Variants in ENTPD1 observed in about 807,000 individuals in gnomAD.
The protein encoded by ENTPD1 is ectonucleoside triphosphate diphosphohydrolase 1, also known as ATP diphosphohydrolase.
Under a neutral mutation model 57.0 loss-of-function variants are expected in ENTPD1, and 33 were observed. That is an observed-to-expected ratio of 0.58 (90% CI 0.44 to 0.77). The LOEUF (loss-of-function observed/expected upper bound fraction) is 0.77. ENTPD1 is among the 30% of genes least tolerant of loss of function. ENTPD1 has a pLI of 0.00. For missense variants in ENTPD1, 501 were observed against 603.4 expected (o/e 0.83, Z 1.78); for synonymous variants, 202 against 218.8 (o/e 0.92, Z 0.68).
At chr10:95,821,263 T>C (rs1390690964) in intron 1 of ENTPD1, among the ~76,000 whole-genome samples, 1 of 152,170 alleles carries the variant, frequency 6.6e-6, no homozygotes, top group Non-Finnish European at 1.5e-5. Flanking sequence ...AAATCCTGAC[T>C]CTAATTGGGT....
chr10:95,846,631 C>T (rs1270877097), intron 6 of ENTPD1, among the ~76,000 whole-genome samples: 1 of 152,158 alleles, frequency 6.6e-6, no homozygotes, highest in African/African-American at 2.4e-5. Context: ...AGCCTCAAAG[C>T]TCCACTAACC....
At chr10:95,823,526 G>A (rs991488044) in intron 2 of ENTPD1, among the ~76,000 whole-genome samples, 162 bp downstream of exon 2, 1 of 152,190 alleles carries the variant, frequency 6.6e-6, no homozygotes. Context: ...AATGGAAATA[G>A]GTGCTCATTC....
At chr10:95,841,475 A>G (rs1173122148) in intron 3 of ENTPD1, among the ~76,000 whole-genome samples, 4 of 152,182 alleles carry the variant, frequency 2.6e-5, no homozygotes, top group Admixed American at 1.3e-4. Context: ...CTCTCAAAAG[A>G]GAGAGTTCTC....
In ENTPD1 at chr10:95,876,602, G is replaced by A; in HGVS notation, c.*10219G>A. ...GGAGAATACAGGATGAATCCACTCT[G>A]TCTCCTGCAGTGAAGTCTGTTTGAA... is the stretch of plus-strand genomic sequence containing the variant. On this transcript the variant is annotated 3_prime_UTR_variant, in exon 10 of 10. Transcript: ENST00000371205. The A allele has an allele frequency of 1.6e-6, 2 of 1,230,156 alleles. No individual in the cohort carries two copies. The highest frequency in any genetic ancestry group is 1.6e-5 in the African/African-American group (1 of 64,500). 76.2% of individuals were successfully genotyped at this position (1,230,156 alleles called of 1,614,324 possible). A position where few individuals can be genotyped will look rare whatever the true frequency, so the allele number is the denominator to read the frequency against.
At chr10:95,706,155 ATAT>A in the ENTPD1 span, among the ~76,000 whole-genome samples, 1 of 152,182 alleles carries the variant, frequency 6.6e-6, no homozygotes, top group Non-Finnish European at 1.5e-5. Context: ...ACAAAAGAAC[ATAT>A]TATATTAATT....
chr10:95,828,813 C>A (rs1336891996), intron 2 of ENTPD1, among the ~76,000 whole-genome samples: 1 of 151,060 alleles, frequency 6.6e-6, no homozygotes, highest in Non-Finnish European at 1.5e-5. Context: ...CAGGTTCAAG[C>A]AATTCTCCTG....
intron 9 of ENTPD1, 139 bp from the exon 10 acceptor site, chr10:95,866,038 T>G (rs1376679274): frequency 1.6e-6 from 2 of 1,234,114 alleles, no homozygotes; most frequent in Admixed American, 4.0e-5. Context: ...GTGCTGAGAT[T>G]ACAGGCATGA....
chr10:95,706,705 T>C, the ENTPD1 span, among the ~76,000 whole-genome samples: 1 of 152,148 alleles, frequency 6.6e-6, no homozygotes, highest in Non-Finnish European at 1.5e-5. Flanking sequence ...CTGTGGCTCA[T>C]AGGGTAGTAA....
intron 1 of ENTPD1, among the ~76,000 whole-genome samples, chr10:95,760,967 C>T (rs2098058461): frequency 7.3e-5 from 11 of 151,580 alleles, no homozygotes; most frequent in Admixed American, 7.2e-4. Context: ...GTAGCTGGGA[C>T]TACAGGCGCC....
chr10:95,768,166 A>T (rs539808838), intron 1 of ENTPD1, among the ~76,000 whole-genome samples: 1 of 152,346 alleles, frequency 6.6e-6, no homozygotes, highest in South Asian at 2.1e-4. Flanking sequence ...AGTTGAGGAC[A>T]ACTGTTTTTT....
At chr10:95,788,549 G>A (rs2098189983) in intron 1 of ENTPD1, among the ~76,000 whole-genome samples, 1 of 151,886 alleles carries the variant, frequency 6.6e-6, no homozygotes, top group African/African-American at 2.4e-5. Context: ...CATGGGAGGT[G>A]GAGGTTGCAG....
At chr10:95,732,734 A>T (rs1268320194) in intron 1 of ENTPD1, among the ~76,000 whole-genome samples, 1 of 152,162 alleles carries the variant, frequency 6.6e-6, no homozygotes, top group Non-Finnish European at 1.5e-5. Flanking sequence ...AAAGCTGGGT[A>T]TCCACGGGAG....
At chr10:95,770,693 T>C (rs544227720) in intron 1 of ENTPD1, among the ~76,000 whole-genome samples, 1 of 152,168 alleles carries the variant, frequency 6.6e-6, no homozygotes, top group South Asian at 2.1e-4. Context: ...CTGTTACTCT[T>C]CCCAGAACTG....
At position 95,823,305 on chromosome 10, in the gene ENTPD1, G is replaced by C; in HGVS notation, c.85G>C (p.Val29Leu). The change falls in exon 2 of 10, where the codon GTG becomes CTG. Residue 29 changes from valine to leucine, a missense_variant. Physicochemically the swap from Val to Leu is conservative, Grantham distance 32 (BLOSUM62 1). Coordinates refer to ENST00000371205, the MANE Select transcript of ENTPD1 (RefSeq NM_001776.6). Reference sequence around the variant, plus strand: ...CCTTGGCTTCTCCTCTATCATAGCTGTGATAGCTTTGCTTGCTGTGGGGTT... The same window carrying C: ...CCTTGGCTTCTCCTCTATCATAGCTCTGATAGCTTTGCTTGCTGTGGGGTT... ...AILGFSSIIA[V>L]IALLAVGLTQ... is the part of the protein sequence containing the mutation. The C allele has an allele frequency of 6.2e-7, 1 of 1,614,188 alleles. No individual in the cohort carries two copies. The highest frequency in any genetic ancestry group is 1.6e-4 in the Middle Eastern group (1 of 6,062).
the ENTPD1 span, among the ~76,000 whole-genome samples, chr10:95,705,594 C>T: frequency 4.7e-4 from 72 of 152,218 alleles, no homozygotes; most frequent in Admixed American, 2.2e-3. Context: ...CGGGTTCAAG[C>T]GATTCTCCTG....
the ENTPD1 span, among the ~76,000 whole-genome samples, chr10:95,703,781 CAAAA>C: frequency 0.021 from 1,505 of 73,370 alleles, 16 homozygotes; most frequent in African/African-American, 0.054. Context: ...GACTCTGTCT[CAAAA>C]AAAAAAAAAA....
At chr10:95,739,538 C>T (rs567548353) in intron 1 of ENTPD1, among the ~76,000 whole-genome samples, 56 of 152,344 alleles carry the variant, frequency 3.7e-4, no homozygotes, top group African/African-American at 1.2e-3. Context: ...CCATTTGTAT[C>T]ATGAGATGTA....
Position 95,872,386 on chromosome 10 carries a change from C to T in ENTPD1, c.*6003C>T. On this transcript the variant is annotated 3_prime_UTR_variant, in exon 10 of 10. Coordinates refer to ENST00000371205, the MANE Select transcript of ENTPD1 (RefSeq NM_001776.6). Reference sequence around the variant, plus strand: ...CTCTGATGTTTCCTACACTACACTACACTATACTACACTACAGCCAGGTAG... The same window carrying T: ...CTCTGATGTTTCCTACACTACACTATACTATACTACACTACAGCCAGGTAG... 2.0e-6 allele frequency: 2 copies of T among 985,460 alleles called. No homozygotes were observed. The highest frequency in any genetic ancestry group is 2.4e-6 in the Non-Finnish European group (2 of 829,930). 61.0% of individuals were successfully genotyped at this position (985,460 alleles called of 1,614,324 possible). A position where few individuals can be genotyped will look rare whatever the true frequency, so the allele number is the denominator to read the frequency against.
intron 1 of ENTPD1, among the ~76,000 whole-genome samples, chr10:95,789,355 TTTGTTA>T (rs1334005728): frequency 6.6e-6 from 1 of 152,210 alleles, no homozygotes; most frequent in Non-Finnish European, 1.5e-5. Context: ...ATATGGAAGA[TTTGTTA>T]ACACCTAAAA....
Sources: gnomAD v4.1 joint callset for allele counts (sites outside exome capture counted in the v4.1 genomes callset) on GRCh38, gnomAD v4.1.1 for gene constraint, MANE v1.5 for transcripts, NCBI Gene and HGNC (gene_info 2026-07-23, HGNC 2026-07-21) for gene names.